The following LRP1 variants were observed in gnomAD, a reference collection of about 807,000 sequenced individuals.
LRP1 encodes the protein LDL receptor related protein 1, also known as prolow-density lipoprotein receptor-related protein 1.
A neutral mutation model predicts 541.5 loss-of-function variants in LRP1; 51 were observed. The ratio of observed to expected loss-of-function variants is 0.09; its 90% confidence interval spans 0.08 to 0.12. LRP1 has a LOEUF of 0.12. Among genes scored for constraint, LRP1 ranks in the 10% least tolerant of loss-of-function variants. LRP1 has a pLI of 1.00. For missense variants in LRP1, 3,878 were observed against 6,376.2 expected, an observed-to-expected ratio of 0.61 and a Z score of 13.34; for synonymous variants, 2,219 against 2,470.8, an observed-to-expected ratio of 0.90 and a Z score of 3.02.
rs1216130377 is a variant in LRP1, at chr12:57,185,683, C to T, written c.6616C>T (p.Arg2206Cys). The T allele has an allele frequency of 6.2e-7, 1 of 1,613,870 alleles. No homozygotes were observed. Among genetic ancestry groups the T allele is most frequent in the Admixed American group, 1.7e-5 (1 of 59,998 alleles). ...EYAGYLLYSE[R>C]TILKSIHLSD... ...TGCCGGCTACCTGCTCTACTCAGAGCGCACCATTCTCAAGAGTATCCACCT... is the reference window on the plus strand; with the variant it reads ...TGCCGGCTACCTGCTCTACTCAGAGTGCACCATTCTCAAGAGTATCCACCT... The change falls in exon 41 of 89, where the codon CGC becomes TGC. Residue 2206 changes from arginine (R) to cysteine (C), a missense_variant. By Grantham distance (180) the Arg-to-Cys change is radical. Coordinates refer to ENST00000243077, the MANE Select transcript of LRP1 (RefSeq NM_002332.3). This position sits in a 1 kb window ranked among gnomAD's most constrained non-coding sequence, Gnocchi z 4.9.
chr12:57,195,706 AGTGCATCCCCAAGCACTTC>A lies in LRP1; in HGVS notation c.8490_8508del (p.Ile2831ValfsTer35). 1 of 1,614,146 alleles carries A rather than the reference AGTGCATCCCCAAGCACTTC, an allele frequency of 6.2e-7. No individual in the cohort carries two copies. Among genetic ancestry groups the A allele is most frequent in the East Asian group, 2.2e-5 (1 of 44,888 alleles). On this transcript the variant is annotated frameshift_variant, in exon 53 of 89. Transcript: ENST00000243077. LOFTEE classifies it high-confidence loss of function. ...CGTGAGTTCATGTGCCAGAACCGCC[AGTGCATCCCCAAGCACTTC>A]GTGTGTGACCACGACCGTGACTGTG...
rs542475643 is a variant in LRP1, at chr12:57,191,047, G to C, written c.7236+38G>C. On this transcript the variant is annotated intron_variant, in intron 43 of 88. Coordinates refer to ENST00000243077, the MANE Select transcript of LRP1 (RefSeq NM_002332.3). ...GGTGGGTGAGCTGGCGGGCGGCTGA[G>C]GGGAGGCCAGGGCCAGGGTCAGCCG... 10 of 1,569,962 alleles carry C rather than the reference G, an allele frequency of 6.4e-6. No individual in the cohort carries two copies. The East Asian group carries it at 2.1e-4, about 33-fold the overall frequency.
Position 57,166,074 on chromosome 12 carries a change from C to G in LRP1, c.2672-10C>G. ...ACTTCTCGCTGACCCCTGACTCATT[C>G]CCTCCCCAGATCAGCACACCTGCCC... On this transcript the variant is annotated splice_polypyrimidine_tract_variant and intron_variant, in intron 16 of 88. Transcript: ENST00000243077. 6.2e-7 allele frequency: 1 copy of G among 1,614,120 alleles called. No homozygotes were observed.
chr12:57,201,957 A>G lies in LRP1; in HGVS notation c.10594+52A>G, dbSNP rs1359734123. 3 of 1,605,750 alleles carry G rather than the reference A, an allele frequency of 1.9e-6. No homozygotes were observed. Among genetic ancestry groups the G allele is most frequent in the Non-Finnish European group, 1.7e-6 (2 of 1,173,970 alleles). ...AAGACAGTCTACCTGGGTGGGAGGCATGGCACCCCTGGCAGGTGGAGGGCT... is the reference window on the plus strand; with the variant it reads ...AAGACAGTCTACCTGGGTGGGAGGCGTGGCACCCCTGGCAGGTGGAGGGCT... On this transcript the variant is annotated intron_variant, in intron 67 of 88. Coordinates refer to ENST00000243077, the MANE Select transcript of LRP1 (RefSeq NM_002332.3). This position sits in a 1 kb window ranked among gnomAD's most constrained non-coding sequence, Gnocchi z 6.4.
chr12:57,207,242 C>CTAAATAAATAAATAAA (rs60649994), intron 76 of LRP1, among the ~76,000 whole-genome samples: 3 of 134,508 alleles, frequency 2.2e-5, no homozygotes, highest in East Asian at 2.2e-4. Context: ...GACTCGGTCT[C>CTAAATAAATAAATAAA]TAAATAAATA....
intron 60 of LRP1, 22 bp downstream of exon 60, chr12:57,198,692 T>A: frequency 6.3e-7 from 1 of 1,590,124 alleles, no homozygotes; most frequent in East Asian, 2.3e-5. Flanking sequence ...AGTGAGGCTG[T>A]CCAGGCACAG....
In LRP1 at chr12:57,173,841, C is replaced by T. The variant is rs143183297; in HGVS notation, c.3408C>T (p.Asp1136=). The T allele has an allele frequency of 6.8e-5, 110 of 1,614,178 alleles. No individual in the cohort carries two copies. The highest frequency in any genetic ancestry group is 8.6e-5 in the Non-Finnish European group (101 of 1,180,030). The change falls in exon 22 of 89, where the codon GAC becomes GAT. Residue 1136 remains aspartate, a synonymous_variant. Transcript: ENST00000243077. The surrounding 1 kb of genome is among the most constrained non-coding windows in gnomAD (Gnocchi z 4.7). ...DGDNDCEDNS[D]EENCESLACR... is the part of the protein sequence containing the mutation. ...ACAATGACTGTGAGGATAACTCGGA[C>T]GAGGAGAACTGCGAGTCCCTGGCCT...
rs749035178 is a variant in LRP1 at position 57,165,978 on chromosome 12, T to C, written c.2671+33T>C. 1 of 1,613,008 alleles carries C rather than the reference T, an allele frequency of 6.2e-7. No homozygotes were observed. Among genetic ancestry groups the C allele is most frequent in the Admixed American group, 1.7e-5 (1 of 60,012 alleles). On this transcript the variant is annotated intron_variant, in intron 16 of 88. Coordinates refer to ENST00000243077, the MANE Select transcript of LRP1 (RefSeq NM_002332.3). This position sits in a 1 kb window ranked among gnomAD's most constrained non-coding sequence, Gnocchi z 4.5. The stretch of plus-strand genomic sequence containing the variant: ...ACACGCCCTGCCCCACCCTGTTGGA[T>C]GGCAGGCCTGCAGGGCAGCTCGGCT...
chr12:57,158,163 A>C lies in LRP1; in HGVS notation c.1562-239A>C, dbSNP rs183469754. Among the ~76,000 whole-genome samples, 1 of 152,184 alleles carries C rather than the reference A, an allele frequency of 6.6e-6. No individual in the cohort carries two copies. Among genetic ancestry groups the C allele is most frequent in the African/African-American group, 2.4e-5 (1 of 41,428 alleles). ...GTGGGCACTTAGCTGAAAACCTGCT[A>C]TTCTTCCCTCATTTCCTACCCTTGG... On this transcript the variant is annotated intron_variant, in intron 10 of 88. Coordinates refer to ENST00000243077, the MANE Select transcript of LRP1 (RefSeq NM_002332.3). The surrounding 1 kb of genome is among the most constrained non-coding windows in gnomAD (Gnocchi z 5.3).
rs1396537409 is a variant in LRP1 at position 57,199,360 on chromosome 12, C to T, written c.9825C>T (p.Pro3275=). The T allele has an allele frequency of 3.7e-6, 6 of 1,612,550 alleles. No individual in the cohort carries two copies. Among genetic ancestry groups the T allele is most frequent in the Non-Finnish European group, 5.1e-6 (6 of 1,179,720 alleles). ...KTLLISTLHR[P]MDLHVFHALR... The stretch of plus-strand genomic sequence containing the variant: ...TCCTCATCAGCACGCTGCACCGGCC[C>T]ATGGACCTGCATGTCTTCCATGCCC... The change falls in exon 61 of 89, where the codon CCC becomes CCT. Residue 3275 remains proline (P), a synonymous_variant. Coordinates refer to ENST00000243077, the MANE Select transcript of LRP1 (RefSeq NM_002332.3).
At position 57,209,155 on chromosome 12, in the gene LRP1, G is replaced by T; in HGVS notation, c.12218G>T (p.Arg4073Leu). 2.5e-6 allele frequency: 4 copies of T among 1,614,078 alleles called. No homozygotes were observed. The highest frequency in any genetic ancestry group is 3.4e-6 in the Non-Finnish European group (4 of 1,180,012). ...AAGCTTTCAGTCATCGGCAGCATCC[G>T]GCTCAATGGCACGGACCCCATTGTG... ...DAKLSVIGSIRLNGTDPIVAA... is the reference protein window; with the variant it reads ...DAKLSVIGSILLNGTDPIVAA... Residue 4073 changes from arginine to leucine, a missense_variant, in exon 79 of 89, where the codon CGG (arginine) becomes CTG (leucine). This residue lies in a region of LRP1 where 871 missense variants were observed against 1,212.4 expected (regional missense o/e 0.72). Transcript: ENST00000243077.
chr12:57,138,380 G>A (rs201491683), intron 1 of LRP1, 79 bp from the exon 2 acceptor site: 9 of 1,519,458 alleles, frequency 5.9e-6, no homozygotes, highest in Non-Finnish European at 7.2e-6. Context: ...AGGGAAGGAA[G>A]AGCAGTACTA....
At chr12:57,186,382 A>G (rs2136712635) in intron 41 of LRP1, among the ~76,000 whole-genome samples, 1 of 152,360 alleles carries the variant, frequency 6.6e-6, no homozygotes, top group Non-Finnish European at 1.5e-5. Flanking sequence ...TTACAGTGTC[A>G]GGGCTGTCAT....
chr12:57,207,602 A>AGTT (rs2036812609), intron 76 of LRP1, among the ~76,000 whole-genome samples: 1 of 151,960 alleles, frequency 6.6e-6, no homozygotes, highest in Non-Finnish European at 1.5e-5. Flanking sequence ...GGCAGGGGGC[A>AGTT]GTCTTAGGAT....
rs187793919 is a variant in LRP1 at position 57,206,877 on chromosome 12, C to G, written c.11859+136C>G. 3.1e-5 allele frequency: 30 copies of G among 961,222 alleles called. No individual in the cohort carries two copies. The South Asian group carries it at 4.7e-4, about 15-fold the overall frequency. 59.5% of individuals were successfully genotyped at this position (961,222 alleles called of 1,614,324 possible). ...ATCCCAGCACTTTGGGAGGCCAAGGCGGGCAGATCACCTGAGATCAGGAGT... is the reference window on the plus strand; with the variant it reads ...ATCCCAGCACTTTGGGAGGCCAAGGGGGGCAGATCACCTGAGATCAGGAGT... On this transcript the variant is annotated intron_variant, in intron 76 of 88. Coordinates refer to ENST00000243077, the MANE Select transcript of LRP1 (RefSeq NM_002332.3). The surrounding 1 kb of genome is among the most constrained non-coding windows in gnomAD (Gnocchi z 4.7).
Position 57,201,372 on chromosome 12 carries a change from G to C in LRP1, c.10346-125G>C, listed in dbSNP as rs1462418853. ...AAAGCACCAAAACTGGGGATAAACT[G>C]TTCCTTCCTCCGAAGAAGTTGCTGG... On this transcript the variant is annotated intron_variant, in intron 65 of 88. Transcript: ENST00000243077. This position sits in a 1 kb window ranked among gnomAD's most constrained non-coding sequence, Gnocchi z 6.4. The C allele has an allele frequency of 2.1e-6, 3 of 1,447,750 alleles. No individual in the cohort carries two copies. The highest frequency in any genetic ancestry group is 2.8e-6 in the Non-Finnish European group (3 of 1,069,740). The allele number at this position is 1,447,750 out of a possible 1,614,324, so 89.7% of individuals were successfully genotyped here.
intron 32 of LRP1, 67 bp from the exon 33 acceptor site, chr12:57,180,599 CA>C: frequency 1.2e-6 from 2 of 1,609,400 alleles, no homozygotes; most frequent in Non-Finnish European, 1.7e-6. Flanking sequence ...GACTTAGGGC[CA>C]ATGGGCCCTT....
At chr12:57,193,805 G>A (rs1227313654) in intron 47 of LRP1, 94 bp from the exon 48 acceptor site, 1 of 1,595,514 alleles carries the variant, frequency 6.3e-7, no homozygotes, top group Non-Finnish European at 8.6e-7. Flanking sequence ...GACAGGCCAG[G>A]GCAGGTGCTG....
At position 57,178,268 on chromosome 12, in the gene LRP1, G is replaced by A. The variant is rs764177885; in HGVS notation, c.4362-91G>A. On this transcript the variant is annotated intron_variant, in intron 26 of 88. Coordinates refer to ENST00000243077, the MANE Select transcript of LRP1 (RefSeq NM_002332.3). This position sits in a 1 kb window ranked among gnomAD's most constrained non-coding sequence, Gnocchi z 5.8. ...TCCCATGCTCTTCGCTGGGAGGGCT[G>A]TGGCCAGGGCCCAGAGGGTGGGCAC... The A allele has an allele frequency of 6.1e-5, 90 of 1,475,742 alleles. No individual in the cohort carries two copies. The highest frequency in any genetic ancestry group is 7.7e-5 in the Non-Finnish European group (83 of 1,083,270). 91.4% of individuals were successfully genotyped at this position (1,475,742 alleles called of 1,614,324 possible). A position where few individuals can be genotyped will look rare whatever the true frequency, so the allele number is the denominator to read the frequency against.
Sources: allele counts gnomAD v4.1 joint callset (sites outside exome capture counted in the v4.1 genomes callset), GRCh38; gene constraint gnomAD v4.1.1; regional missense constraint gnomAD v4.1.1; non-coding constraint Gnocchi (gnomAD v3.1); transcripts MANE v1.5; gene names NCBI Gene and HGNC (gene_info 2026-07-23, HGNC 2026-07-21).